KCNT2: variants seen among roughly 807,000 people sequenced by gnomAD.
The protein encoded by KCNT2 is potassium sodium-activated channel subfamily T member 2.
In KCNT2, 67 loss-of-function variants were observed where a neutral mutation model predicts 153.8. The ratio of observed to expected loss-of-function variants is 0.44; its 90% CI spans 0.36 to 0.53. The LOEUF is 0.53. KCNT2 is among the 20% of genes least tolerant of loss of function. The probability of loss-of-function intolerance (pLI) is 0.00; values close to 1 mark genes in which losing one functional copy is unlikely to be tolerated. For synonymous variants in KCNT2, 500 were observed against 458.8 expected, an observed-to-expected ratio of 1.09 and a Z score of -1.15; for missense variants, 975 against 1,354.8, an observed-to-expected ratio of 0.72 and a Z score of 4.40.
rs1245929629 is a variant in KCNT2 at position 196,524,175 on chromosome 1, C to G, written c.96-31834G>C. 2.0e-5 allele frequency among the ~76,000 whole-genome samples: 3 copies of G among 152,194 alleles called. No individual in the cohort carries two copies. The East Asian group carries it at 5.8e-4, about 29-fold the overall frequency. ...ATAAAGGTAAAATCCTAGTTCTCCA[C>G]TTCAGAACACTGACCCCATTCATTT... On this transcript the variant is annotated intron_variant, in intron 1 of 27. Coordinates refer to ENST00000294725, the MANE Select transcript of KCNT2 (RefSeq NM_198503.5).
At chr1:196,361,180 C>A (rs1421343273) in intron 14 of KCNT2, among the ~76,000 whole-genome samples, 1 of 151,732 alleles carries the variant, frequency 6.6e-6, no homozygotes, top group Non-Finnish European at 1.5e-5. Context: ...TCACCACAAG[C>A]AACGCCCTCT....
chr1:196,348,423 G>T (rs183281150), intron 14 of KCNT2, among the ~76,000 whole-genome samples: 1 of 152,202 alleles, frequency 6.6e-6, no homozygotes, highest in African/African-American at 2.4e-5. Context: ...ACATTTAGGA[G>T]AAATAAGAGG....
chr1:196,541,908 G>T (rs1200270405), intron 1 of KCNT2, among the ~76,000 whole-genome samples: 1 of 151,712 alleles, frequency 6.6e-6, no homozygotes, highest in East Asian at 1.9e-4. Flanking sequence ...TATGTTTTTT[G>T]ATATGAGGTA....
chr1:196,267,657 G>T (rs987425590), intron 25 of KCNT2, among the ~76,000 whole-genome samples: 2 of 152,060 alleles, frequency 1.3e-5, no homozygotes, highest in African/African-American at 4.8e-5. Context: ...ATCCTCCTTG[G>T]TTACATGCTA....
At chr1:196,244,857 C>T (rs576445804) in intron 26 of KCNT2, among the ~76,000 whole-genome samples, 33 of 152,176 alleles carry the variant, frequency 2.2e-4, no homozygotes, top group African/African-American at 5.1e-4. Context: ...AGCTAGCATA[C>T]GTGGTAGCCA....
intron 1 of KCNT2, among the ~76,000 whole-genome samples, chr1:196,576,786 T>C (rs1661431944): frequency 6.6e-6 from 1 of 152,114 alleles, no homozygotes; most frequent in Non-Finnish European, 1.5e-5. Context: ...GGTTTTGAAG[T>C]TCATTTTTAA....
intron 24 of KCNT2, among the ~76,000 whole-genome samples, chr1:196,281,511 A>T (rs577084709): frequency 6.6e-6 from 1 of 152,292 alleles, no homozygotes; most frequent in South Asian, 2.1e-4. Context: ...ATGTTCCAAT[A>T]ATGCCTATAT....
At chr1:196,258,147 G>T (rs1257910246) in intron 26 of KCNT2, 47 bp downstream of exon 26, 2 of 1,571,060 alleles carry the variant, frequency 1.3e-6, no homozygotes, top group Admixed American at 1.8e-5. Flanking sequence ...ACTACTAATG[G>T]CAAGAAATCA....
intron 8 of KCNT2, among the ~76,000 whole-genome samples, chr1:196,441,518 C>T (rs895969574): frequency 2.6e-5 from 4 of 151,092 alleles, no homozygotes; most frequent in Non-Finnish European, 4.4e-5. Context: ...AAACAGAGTG[C>T]TAAGTGTTCT....
At chr1:196,428,856 G>C (rs1053850759) in intron 9 of KCNT2, among the ~76,000 whole-genome samples, 8 of 152,108 alleles carry the variant, frequency 5.3e-5, no homozygotes, top group Non-Finnish European at 8.8e-5. Context: ...GCCTGCTTCT[G>C]ATCTGCCCAC....
At chr1:196,278,167 C>T (rs955069904) in intron 25 of KCNT2, among the ~76,000 whole-genome samples, 6 of 152,212 alleles carry the variant, frequency 3.9e-5, no homozygotes, top group South Asian at 2.1e-4. Flanking sequence ...CAACATATTG[C>T]TATTTTTTAC....
intron 7 of KCNT2, among the ~76,000 whole-genome samples, chr1:196,467,051 A>G (rs141826457): frequency 1.3e-5 from 2 of 152,176 alleles, no homozygotes; most frequent in African/African-American, 4.8e-5. Context: ...TGGCTCCCAC[A>G]TAGAATCTTA....
At chr1:196,545,466 G>A in intron 1 of KCNT2, among the ~76,000 whole-genome samples, 1 of 152,000 alleles carries the variant, frequency 6.6e-6, no homozygotes, top group East Asian at 1.9e-4. Context: ...GATCAGGCTG[G>A]AGAGGTTGCT....
chr1:196,603,952 T>G lies in KCNT2; in HGVS notation c.95+4263A>C, dbSNP rs542510548. ...TCAGTGTTTAACTGCAGGAGAATAC[T>G]CTAAATCTTTACTGCTTTGTGAATC... On this transcript the variant is annotated intron_variant, in intron 1 of 27. Transcript: ENST00000294725. Among the ~76,000 whole-genome samples the G allele has an allele frequency of 3.2e-3, 488 of 152,354 alleles. 1 individual carries two copies. Among genetic ancestry groups the G allele is most frequent in the Non-Finnish European group, 6.0e-3 (406 of 68,024 alleles).
chr1:196,315,805 T>C (rs940279491), intron 21 of KCNT2, 87 bp downstream of exon 21: 5 of 1,198,554 alleles, frequency 4.2e-6, no homozygotes, highest in Non-Finnish European at 5.8e-6. Flanking sequence ...GTGTGTCTCA[T>C]GTTCATTCCT....
chr1:196,590,627 G>T (rs1663229081), intron 1 of KCNT2, among the ~76,000 whole-genome samples: 1 of 152,108 alleles, frequency 6.6e-6, no homozygotes, highest in African/African-American at 2.4e-5. Context: ...GAGGAGGTTG[G>T]GGTGGGCAAG....
chr1:196,236,017 G>T lies in KCNT2; in HGVS notation c.3265C>A (p.Pro1089Thr), dbSNP rs1383868277. ...TLSYILINPS[P>T]DTRIELNDVV... Reference sequence around the variant, plus strand: ...TCATTCAGCTCTATTCTGGTATCTGGAGATGGGTTAATCAGGATGTAGGAG... The same window carrying T: ...TCATTCAGCTCTATTCTGGTATCTGTAGATGGGTTAATCAGGATGTAGGAG... Residue 1089 changes from proline to threonine, a missense_variant, in exon 27 of 28, where the codon CCA becomes ACA. Transcript: ENST00000294725. 1 of 1,603,398 alleles carries T rather than the reference G, an allele frequency of 6.2e-7. No homozygotes were observed. Among genetic ancestry groups the T allele is most frequent in the Admixed American group, 1.7e-5 (1 of 59,800 alleles).
intron 16 of KCNT2, 87 bp from the exon 17 acceptor site, chr1:196,334,147 A>G (rs939002263): frequency 8.1e-6 from 6 of 741,112 alleles, no homozygotes; most frequent in African/African-American, 5.3e-5. Context: ...GAAATATAAT[A>G]AACACAATAA....
intron 1 of KCNT2, among the ~76,000 whole-genome samples, chr1:196,582,721 A>G (rs1318415226): frequency 6.6e-6 from 1 of 152,054 alleles, no homozygotes; most frequent in Non-Finnish European, 1.5e-5. Flanking sequence ...TTCTCTCACC[A>G]CCAATTCATT....
Sources: gnomAD v4.1 joint callset for allele counts (sites outside exome capture counted in the v4.1 genomes callset) on GRCh38, gnomAD v4.1.1 for gene constraint, MANE v1.5 for transcripts, NCBI Gene and HGNC (gene_info 2026-07-23, HGNC 2026-07-21) for gene names.